The following SETD5 variants were observed in gnomAD, a reference collection of about 807,000 sequenced individuals.
SETD5 encodes the protein histone-lysine N-methyltransferase SETD5.
Under a neutral mutation model 153.3 loss-of-function variants are expected in SETD5, and 44 were observed. The observed-to-expected ratio is 0.29, with a 90% confidence interval of 0.23 to 0.37. SETD5 has a LOEUF of 0.37. Among genes scored for constraint, SETD5 ranks in the 10% least tolerant of loss-of-function variants. SETD5 has a pLI of 1.00. For missense variants in SETD5, 1,544 were observed against 1,768.0 expected (o/e 0.87, Z 2.27); for synonymous variants, 716 against 645.2 (o/e 1.11, Z -1.66).
Position 9,447,837 on chromosome 3 carries a change from A to G in SETD5, c.1934A>G (p.Gln645Arg). ...AATGCACAGCAGGCAGAATTGTCAC[A>G]AGCTGCCTTGGAAGAGGGAGGAAGT... ...QANAQQAELS[Q>R]AALEEGGSNS... Residue 645 changes from glutamine (Q) to arginine (R), a missense_variant, in exon 15 of 23, where the codon CAA becomes CGA. Physicochemically the swap from Gln to Arg is conservative, Grantham distance 43. Transcript: ENST00000402198. 6.2e-7 allele frequency: 1 copy of G among 1,614,034 alleles called. No homozygotes were observed. Among genetic ancestry groups the G allele is most frequent in the South Asian group, 1.1e-5 (1 of 91,090 alleles).
At chr3:9,453,375 A>G (rs1456840747) in intron 16 of SETD5, among the ~76,000 whole-genome samples, 1 of 152,122 alleles carries the variant, frequency 6.6e-6, no homozygotes, top group Non-Finnish European at 1.5e-5. Flanking sequence ...CTTATTTTAT[A>G]TATTAGTTTT....
At chr3:9,406,767 G>T (rs138507529) in intron 1 of SETD5, among the ~76,000 whole-genome samples, 2 of 152,190 alleles carry the variant, frequency 1.3e-5, no homozygotes, top group African/African-American at 4.8e-5. Flanking sequence ...ATAAGGGTGG[G>T]TTTACATGTC....
Position 9,477,411 on chromosome 3 carries a change from T to C in SETD5, c.*1320T>C, listed in dbSNP as rs2045911915. 1 of 152,670 alleles carries C rather than the reference T, an allele frequency of 6.6e-6. No individual in the cohort carries two copies. Among genetic ancestry groups the C allele is most frequent in the African/African-American group, 2.4e-5 (1 of 41,456 alleles). The allele number at this position is 152,670 out of a possible 1,614,324, so 9.5% of individuals were successfully genotyped here. A position where few individuals can be genotyped will look rare whatever the true frequency, so the allele number is the denominator to read the frequency against. On this transcript the variant is annotated 3_prime_UTR_variant, in exon 23 of 23. Transcript: ENST00000402198. ...TTATTTATCTAATTTTGTATTCAGT[T>C]ATAACCATGGTAGGGGTAGTGAATA...
Position 9,448,575 on chromosome 3 carries a change from C to G in SETD5, c.2291C>G (p.Pro764Arg). The change falls in exon 16 of 23, where the codon CCT becomes CGT. Residue 764 changes from proline to arginine, a missense_variant. This residue lies in a region of SETD5 where 782 missense variants were observed against 787.2 expected (regional missense o/e 0.99). Transcript: ENST00000402198. ...HYIRFGSPFIPERRRRPLLPD... is the reference protein window; with the variant it reads ...HYIRFGSPFIRERRRRPLLPD... ...ATTCGCTTTGGCTCACCCTTTATCC[C>G]TGAGAGACGTCGAAGGCCCCTTCTG... 6.2e-7 allele frequency: 1 copy of G among 1,611,978 alleles called. No homozygotes were observed. The highest frequency in any genetic ancestry group is 1.1e-5 in the South Asian group (1 of 90,906).
chr3:9,447,429 A>G (rs1312882451), intron 14 of SETD5, 122 bp downstream of exon 14: 17 of 1,369,628 alleles, frequency 1.2e-5, no homozygotes, highest in Admixed American at 6.9e-5. Context: ...AAATAAGGCC[A>G]TTAACTGTTT....
intron 1 of SETD5, among the ~76,000 whole-genome samples, chr3:9,423,668 T>C (rs758764380): frequency 8.5e-5 from 13 of 152,250 alleles, no homozygotes; most frequent in Non-Finnish European, 1.6e-4. Flanking sequence ...TTTCCAGTTT[T>C]TTAAAATTAG....
rs1221149644 is a variant in SETD5 at position 9,475,650 on chromosome 3, C to T, written c.3888C>T (p.Ser1296=). Residue 1296 remains serine (S), a synonymous_variant, in exon 23 of 23, where the codon TCC becomes TCT. Coordinates refer to ENST00000402198, the MANE Select transcript of SETD5 (RefSeq NM_001080517.3). The part of the protein sequence containing the change: ...SHGSSESSLS[S]TSYSSPAHPV... ...GTTCTTCAGAATCATCCCTCTCTTC[C>T]ACGTCCTATTCCAGCCCCGCCCACC... The T allele has an allele frequency of 4.3e-6, 7 of 1,613,998 alleles. No individual in the cohort carries two copies. Among genetic ancestry groups the T allele is most frequent in the Non-Finnish European group, 5.9e-6 (7 of 1,179,902 alleles).
intron 18 of SETD5, chr3:9,468,537 A>G: frequency 7.7e-7 from 1 of 1,304,246 alleles, no homozygotes; most frequent in South Asian, 1.2e-5. Flanking sequence ...CTCCCCTGAG[A>G]GTTCCCCTGC....
At position 9,459,714 on chromosome 3, in the gene SETD5, CA is replaced by C. The variant is rs386395917; in HGVS notation, c.2477-4693del. 6.6e-3 allele frequency among the ~76,000 whole-genome samples: 518 copies of C among 78,284 alleles called. 4 individuals carry two copies. Among genetic ancestry groups the C allele is most frequent in the Middle Eastern group, 0.023 (2 of 88 alleles). The allele number at this position is 78,284 out of a possible 152,430, so 51.4% of individuals were successfully genotyped here. On this transcript the variant is annotated intron_variant, in intron 17 of 22. Coordinates refer to ENST00000402198, the MANE Select transcript of SETD5 (RefSeq NM_001080517.3). ...AGCCTGGGCGACAGCGAGACTCCAT[CA>C]AAAAAAAAAAAAAAAAAGAATATTA...
In SETD5 at chr3:9,445,039, T is replaced by C; in HGVS notation, c.1188-9T>C. On this transcript the variant is annotated splice_polypyrimidine_tract_variant and intron_variant, in intron 11 of 22. Coordinates refer to ENST00000402198, the MANE Select transcript of SETD5 (RefSeq NM_001080517.3). Reference sequence around the variant, plus strand: ...TGAGACAGGCATTTTGGTTGTTTCTTTGGAGCAGTAATTATAAAGTGGACT... The same window carrying C: ...TGAGACAGGCATTTTGGTTGTTTCTCTGGAGCAGTAATTATAAAGTGGACT... 3 of 1,610,642 alleles carry C rather than the reference T, an allele frequency of 1.9e-6. No individual in the cohort carries two copies. Among genetic ancestry groups the C allele is most frequent in the Non-Finnish European group, 2.5e-6 (3 of 1,178,050 alleles).
chr3:9,445,370 G>T (rs145213876), intron 12 of SETD5, 70 bp downstream of exon 12: 43 of 1,532,124 alleles, frequency 2.8e-5, no homozygotes, highest in Non-Finnish European at 3.5e-5. Context: ...CCGGGTTGCC[G>T]CATGGTTTAA....
At chr3:9,432,426 G>C in intron 3 of SETD5, 1 of 322,346 alleles carries the variant, frequency 3.1e-6, no homozygotes, top group Non-Finnish European at 4.5e-6. Context: ...ACTATATATT[G>C]TATATCTTTA....
chr3:9,404,906 A>G (rs1358822876), intron 1 of SETD5, among the ~76,000 whole-genome samples: 2 of 152,166 alleles, frequency 1.3e-5, no homozygotes, highest in African/African-American at 2.4e-5. Flanking sequence ...AAACACAAGC[A>G]CTGTACCTCA....
chr3:9,466,934 C>T (rs2125533610), intron 18 of SETD5, among the ~76,000 whole-genome samples: 1 of 152,216 alleles, frequency 6.6e-6, no homozygotes, highest in South Asian at 2.1e-4. Flanking sequence ...GAGGCTGAAG[C>T]AGGAAGATCA....
intron 7 of SETD5, among the ~76,000 whole-genome samples, chr3:9,438,225 A>G (rs1283508534): frequency 6.6e-6 from 1 of 152,152 alleles, no homozygotes; most frequent in Admixed American, 6.5e-5. Flanking sequence ...TTGGAAGACA[A>G]ATCAATCATG....
chr3:9,467,356 A>G (rs1559481636), intron 18 of SETD5, among the ~76,000 whole-genome samples: 1 of 152,140 alleles, frequency 6.6e-6, no homozygotes, highest in Non-Finnish European at 1.5e-5. Flanking sequence ...CAAGATCTTC[A>G]GGAGGGGAAA....
At chr3:9,402,656 A>G (rs1024604054) in intron 1 of SETD5, among the ~76,000 whole-genome samples, 25 of 152,184 alleles carry the variant, frequency 1.6e-4, no homozygotes, top group Non-Finnish European at 5.9e-5. Context: ...CACAGCTTTC[A>G]TGGCAGTATG....
At chr3:9,415,024 C>T (rs1213771231) in intron 1 of SETD5, among the ~76,000 whole-genome samples, 1 of 152,054 alleles carries the variant, frequency 6.6e-6, no homozygotes, top group African/African-American at 2.4e-5. Flanking sequence ...TGCTAGAATT[C>T]TGGACTTTGT....
chr3:9,472,152 G>A (rs1389758828), intron 19 of SETD5, among the ~76,000 whole-genome samples: 4 of 152,124 alleles, frequency 2.6e-5, no homozygotes, highest in Non-Finnish European at 4.4e-5. Flanking sequence ...TATTTACTAT[G>A]TGCAAAAGTC....
Sources: gnomAD v4.1 joint callset for allele counts (sites outside exome capture counted in the v4.1 genomes callset) on GRCh38, gnomAD v4.1.1 for gene constraint, gnomAD v4.1.1 regional missense constraint, MANE v1.5 for transcripts, NCBI Gene and HGNC (gene_info 2026-07-23, HGNC 2026-07-21) for gene names.